LMX1A: variants seen among roughly 807,000 people sequenced by gnomAD.
LMX1A encodes the protein LIM homeobox transcription factor 1 alpha.
A neutral mutation model predicts 49.1 loss-of-function variants in LMX1A; 15 were observed. The ratio of observed to expected loss-of-function variants is 0.31; its 90% CI spans 0.20 to 0.47. The LOEUF (loss-of-function observed/expected upper bound fraction) is 0.47. Among genes scored for constraint, LMX1A ranks in the 20% least tolerant of loss-of-function variants. The pLI, the probability that LMX1A is intolerant of heterozygous loss-of-function variation, is 1.00. For missense variants in LMX1A, 372 were observed against 475.8 expected, an observed-to-expected ratio of 0.78 and a Z score of 2.03; for synonymous variants, 167 against 185.7, an observed-to-expected ratio of 0.90 and a Z score of 0.82.
rs1193378189 is a variant in LMX1A at position 165,249,393 on chromosome 1, C to G, written c.496+15G>C. The stretch of plus-strand genomic sequence containing the variant: ...ACCCACCCCACCGCAGCCCTGCCCA[C>G]CACCTGGCACTCACCTGAGTCTGAG... On this transcript the variant is annotated intron_variant, in intron 4 of 8. Transcript: ENST00000342310. The G allele has an allele frequency of 6.3e-7, 1 of 1,596,102 alleles. No homozygotes were observed. Among genetic ancestry groups the G allele is most frequent in the Admixed American group, 1.7e-5 (1 of 59,988 alleles).
intron 3 of LMX1A, among the ~76,000 whole-genome samples, chr1:165,335,830 T>C (rs1655880989): frequency 6.6e-6 from 1 of 152,110 alleles, no homozygotes; most frequent in African/African-American, 2.4e-5. Context: ...ATGTATGTTT[T>C]TACTTTATGA....
At chr1:165,282,873 T>C (rs1332566721) in intron 3 of LMX1A, among the ~76,000 whole-genome samples, 1 of 152,224 alleles carries the variant, frequency 6.6e-6, no homozygotes, top group Non-Finnish European at 1.5e-5. Flanking sequence ...GTAATCTTTT[T>C]AAAATGTAAA....
chr1:165,279,366 C>A (rs535731705), intron 3 of LMX1A, among the ~76,000 whole-genome samples: 2 of 152,196 alleles, frequency 1.3e-5, no homozygotes, highest in East Asian at 1.9e-4. Context: ...CCAGAGTGCC[C>A]AGCTCAGCAC....
chr1:165,353,688 TC>T (rs765487227), intron 2 of LMX1A, among the ~76,000 whole-genome samples: 1 of 152,268 alleles, frequency 6.6e-6, no homozygotes, highest in Non-Finnish European at 1.5e-5. Context: ...TTTGGATTTT[TC>T]TTTGTTAAAA....
chr1:165,250,075 CA>C, intron 3 of LMX1A, among the ~76,000 whole-genome samples: 1 of 150,748 alleles, frequency 6.6e-6, no homozygotes, highest in South Asian at 2.1e-4. Context: ...TGGGGCCTGT[CA>C]GGGGGTGGGG....
chr1:165,275,180 T>G lies in LMX1A; in HGVS notation c.264-25540A>C, dbSNP rs553516355. 2.6e-4 allele frequency among the ~76,000 whole-genome samples: 40 copies of G among 152,294 alleles called. No homozygotes were observed. The East Asian group carries it at 6.4e-3, about 24-fold the overall frequency. On this transcript the variant is annotated intron_variant, in intron 3 of 8. Coordinates refer to ENST00000342310, the MANE Select transcript of LMX1A (RefSeq NM_177398.4). ...CCAGACTGACATCTGAAATTGCCCC[T>G]GAAGTGCACAGAACTCAACTCTTCC...
chr1:165,317,870 G>C (rs966463512), intron 3 of LMX1A, among the ~76,000 whole-genome samples: 1 of 152,194 alleles, frequency 6.6e-6, no homozygotes, highest in Non-Finnish European at 1.5e-5. Flanking sequence ...TATTTATGCT[G>C]TATAAATTCA....
intron 4 of LMX1A, among the ~76,000 whole-genome samples, chr1:165,219,265 A>G (rs957462661): frequency 2.0e-5 from 3 of 152,150 alleles, no homozygotes; most frequent in Non-Finnish European, 4.4e-5. Flanking sequence ...AACGGCCCAT[A>G]AACAGGGCAA....
intron 5 of LMX1A, chr1:165,213,118 T>C (rs3738193): frequency 0.59 from 90,235 of 152,192 alleles, 27,301 homozygotes; most frequent in Non-Finnish European, 0.65. Context: ...TACATGAATG[T>C]CCATAGCAGT....
Position 165,210,729 on chromosome 1 carries a change from G to A in LMX1A, c.717C>T (p.Val239=), listed in dbSNP as rs1204242700. ...CTCTCTGGTTTTGGAACCACACCTG[G>A]ACGACACGGACACTCAGCCCTGTCT... The part of the protein sequence containing the change: ...AAETGLSVRV[V]QVWFQNQRAK... The change falls in exon 6 of 9, where the codon GTC becomes GTT. Residue 239 remains valine (V), a synonymous_variant. Transcript: ENST00000342310. 2 of 1,613,914 alleles carry A rather than the reference G, an allele frequency of 1.2e-6. No individual in the cohort carries two copies. Among genetic ancestry groups the A allele is most frequent in the Non-Finnish European group, 1.7e-6 (2 of 1,179,968 alleles).
intron 4 of LMX1A, among the ~76,000 whole-genome samples, chr1:165,241,644 TTTCAC>T (rs1652659096): frequency 6.6e-6 from 1 of 152,186 alleles, no homozygotes; most frequent in South Asian, 2.1e-4. Flanking sequence ...CTTTTCTATC[TTTCAC>T]TGGAAAATTC....
Position 165,213,832 on chromosome 1 carries a change from A to G in LMX1A, c.497-19T>C, listed in dbSNP as rs201080273. On this transcript the variant is annotated intron_variant, in intron 4 of 8. Transcript: ENST00000342310. Reference sequence around the variant, plus strand: ...CTTTTACCTGAAAGAAGCAAAAGACAATGTTGTGAGTCCCTGAAAGCCAGT... The same window carrying G: ...CTTTTACCTGAAAGAAGCAAAAGACGATGTTGTGAGTCCCTGAAAGCCAGT... 3.7e-4 allele frequency: 589 copies of G among 1,612,674 alleles called. 1 individual carries two copies. In the African/African-American group the frequency reaches 7.3e-3, roughly 20 times the overall value.
chr1:165,206,097 G>A, intron 7 of LMX1A, 63 bp from the exon 8 acceptor site: 1 of 1,404,496 alleles, frequency 7.1e-7, no homozygotes, highest in Non-Finnish European at 9.6e-7. Context: ...ATTTCCCTGG[G>A]TCCTGATTCC....
chr1:165,221,611 G>A (rs1245268008), intron 4 of LMX1A, among the ~76,000 whole-genome samples: 2 of 152,124 alleles, frequency 1.3e-5, no homozygotes, highest in Non-Finnish European at 2.9e-5. Flanking sequence ...GCAGGGGGAG[G>A]GACCGGGCAG....
intron 3 of LMX1A, among the ~76,000 whole-genome samples, chr1:165,345,254 G>A (rs892358177): frequency 9.2e-5 from 14 of 152,204 alleles, no homozygotes; most frequent in African/African-American, 1.7e-4. Context: ...GAGTCAAGGC[G>A]TGGCTGCTGT....
At chr1:165,207,297 A>G (rs1029173853) in intron 7 of LMX1A, among the ~76,000 whole-genome samples, 2 of 152,186 alleles carry the variant, frequency 1.3e-5, no homozygotes, top group Non-Finnish European at 2.9e-5. Flanking sequence ...TTGTTCTAAT[A>G]TAGTAACTCT....
intron 7 of LMX1A, 82 bp downstream of exon 7, chr1:165,207,981 C>G (rs777983034): frequency 2.5e-4 from 304 of 1,199,530 alleles, no homozygotes; most frequent in Non-Finnish European, 3.5e-4. Context: ...ATATGTCATC[C>G]AAAGAGCTGG....
chr1:165,255,842 G>A (rs1386390498), intron 3 of LMX1A, among the ~76,000 whole-genome samples: 1 of 152,086 alleles, frequency 6.6e-6, no homozygotes, highest in Non-Finnish European at 1.5e-5. Flanking sequence ...GCATAGTGGT[G>A]CATGTCTGTA....
rs1223600919 is a variant in LMX1A, at chr1:165,355,191, C to A, written c.76+293G>T. Among the ~76,000 whole-genome samples the A allele has an allele frequency of 6.6e-6, 1 of 152,086 alleles. No individual in the cohort carries two copies. Among genetic ancestry groups the A allele is most frequent in the Admixed American group, 6.5e-5 (1 of 15,270 alleles). ...ATCAGCTCCGAGATTAAAAATCCAG[C>A]CCTGGGTATTTTTAATCACTTGCCA... is the stretch of plus-strand genomic sequence containing the variant. On this transcript the variant is annotated intron_variant, in intron 2 of 8. Transcript: ENST00000342310. This position sits in a 1 kb window ranked among gnomAD's most constrained non-coding sequence, Gnocchi z 4.7.
Sources: allele counts gnomAD v4.1 joint callset (sites outside exome capture counted in the v4.1 genomes callset), GRCh38; gene constraint gnomAD v4.1.1; non-coding constraint Gnocchi (gnomAD v3.1); transcripts MANE v1.5; gene names NCBI Gene and HGNC (gene_info 2026-07-23, HGNC 2026-07-21).